ZNF730: variants seen among roughly 807,000 people sequenced by gnomAD.
ZNF730 encodes putative zinc finger protein 730.
A neutral mutation model predicts 12.6 loss-of-function variants in ZNF730; 12 were observed. The ratio of observed to expected loss-of-function variants is 0.95; its 90% CI spans 0.61 to 1.54. The LOEUF (loss-of-function observed/expected upper bound fraction) is 1.54. ZNF730 is among the 40% of genes most tolerant of loss of function. The probability of loss-of-function intolerance (pLI) is 0.00; values close to 1 mark genes in which losing one functional copy is unlikely to be tolerated. For synonymous variants in ZNF730, 194 were observed against 195.8 expected, an observed-to-expected ratio of 0.99 and a Z score of 0.08; for missense variants, 643 against 583.5, an observed-to-expected ratio of 1.10 and a Z score of -1.05.
chr19:23,075,733 T>C (rs1049942933), intron 1 of ZNF730, among the ~76,000 whole-genome samples: 19 of 152,064 alleles, frequency 1.2e-4, no homozygotes, highest in African/African-American at 4.6e-4. Flanking sequence ...TCCCAAGCTT[T>C]CCTGTTATTT....
At chr19:23,093,219 A>T (rs1022405752) in intron 1 of ZNF730, among the ~76,000 whole-genome samples, 1 of 151,596 alleles carries the variant, frequency 6.6e-6, no homozygotes, top group East Asian at 2.0e-4. Context: ...CAGGTGATCC[A>T]CTCGCCTTGG....
intron 1 of ZNF730, among the ~76,000 whole-genome samples, chr19:23,083,257 C>G (rs1969997164): frequency 6.6e-6 from 1 of 151,874 alleles, no homozygotes; most frequent in Non-Finnish European, 1.5e-5. Context: ...CAACCTGCCT[C>G]TACTGAAAAT....
In ZNF730 at chr19:23,134,099, A is replaced by T; in HGVS notation, c.23A>T (p.Asp8Val). The T allele has an allele frequency of 6.2e-7, 1 of 1,613,480 alleles. No individual in the cohort carries two copies. The highest frequency in any genetic ancestry group is 1.3e-5 in the African/African-American group (1 of 75,046). The change falls in exon 2 of 4, where the codon GAT becomes GTT. Residue 8 changes from aspartate to valine, a missense_variant. Asp to Val is a radical substitution (Grantham distance 152). Transcript: ENST00000597761. ...TTTCAGGGAGCGTTGACATTTAGAG[A>T]TGTGGCCATAGAATTCTCTCTGGAG... is the stretch of plus-strand genomic sequence containing the variant. MGALTFR[D>V]VAIEFSLEEW...
At chr19:23,134,712 G>A (rs1435490197) in intron 2 of ZNF730, among the ~76,000 whole-genome samples, 114 of 142,888 alleles carry the variant, frequency 8.0e-4, no homozygotes, top group African/African-American at 2.9e-3. Flanking sequence ...CCACGACCCC[G>A]TCTGGGAGGT....
intron 1 of ZNF730, among the ~76,000 whole-genome samples, chr19:23,104,198 A>C (rs2145548238): frequency 6.6e-6 from 1 of 150,862 alleles, no homozygotes; most frequent in East Asian, 2.0e-4. Context: ...GCTACTCGGG[A>C]GGCTGAGGCA....
intron 1 of ZNF730, among the ~76,000 whole-genome samples, chr19:23,107,851 T>A (rs1277164509): frequency 6.6e-6 from 1 of 152,206 alleles, no homozygotes; most frequent in Non-Finnish European, 1.5e-5. Flanking sequence ...TGGGTGAAAC[T>A]GTAGGTCTTT....
intron 1 of ZNF730, chr19:23,127,800 G>A: frequency 1.4e-6 from 1 of 729,966 alleles, no homozygotes; most frequent in Non-Finnish European, 2.5e-6. Flanking sequence ...CATCCTGGCT[G>A]CTCCACAGGA....
intron 1 of ZNF730, among the ~76,000 whole-genome samples, chr19:23,080,330 T>C (rs527345518): frequency 6.6e-6 from 1 of 152,150 alleles, no homozygotes; most frequent in Non-Finnish European, 1.5e-5. Flanking sequence ...GCCTTGACTA[T>C]GGGATATTTT....
In ZNF730 at chr19:23,146,301, T is replaced by G. The variant is rs1180527503; in HGVS notation, c.1257T>G (p.Thr419=). ...SHLTTHKRIH[T]GEKPYKCEEC... is the part of the protein sequence containing the mutation. ...TTACTACACATAAGAGAATTCATAC[T>G]GGAGAGAAACCCTACAAATGTGAAG... The change falls in exon 4 of 4, where the codon ACT becomes ACG. Residue 419 remains threonine (T), a synonymous_variant. Transcript: ENST00000597761. The G allele has an allele frequency of 6.8e-6, 11 of 1,613,660 alleles. No individual in the cohort carries two copies. Among genetic ancestry groups the G allele is most frequent in the Non-Finnish European group, 9.3e-6 (11 of 1,179,724 alleles).
At chr19:23,101,236 C>T (rs375728563) in intron 1 of ZNF730, among the ~76,000 whole-genome samples, 5 of 16,640 alleles carry the variant, frequency 3.0e-4, no homozygotes, top group African/African-American at 8.3e-4. Context: ...TATTGAGGTT[C>T]TGAATGTCAG....
chr19:23,113,393 G>C (rs902292626), upstream of ZNF730, among the ~76,000 whole-genome samples: 1 of 152,146 alleles, frequency 6.6e-6, no homozygotes, highest in Admixed American at 6.5e-5. Flanking sequence ...ATATAAAATT[G>C]TCTCTCACTA....
At chr19:23,145,245 T>C (rs2145708732) in intron 3 of ZNF730, 26 bp from the exon 4 acceptor site, 1 of 1,435,276 alleles carries the variant, frequency 7.0e-7, no homozygotes, top group East Asian at 2.4e-5. Flanking sequence ...GTACATGCAG[T>C]AATTTGTTAT....
intron 1 of ZNF730, among the ~76,000 whole-genome samples, chr19:23,108,714 TC>T (rs1970424437): frequency 6.6e-6 from 1 of 150,958 alleles, no homozygotes; most frequent in South Asian, 2.1e-4. Flanking sequence ...CTTTTCCAAA[TC>T]AAATTTTAGC....
chr19:23,117,222 TG>T (rs779640773), intron 1 of ZNF730, 46 bp downstream of exon 1: 1 of 1,613,388 alleles, frequency 6.2e-7, no homozygotes, highest in South Asian at 1.1e-5. Flanking sequence ...CGGGGCTGGT[TG>T]GAACCGGTGG....
At chr19:23,122,697 G>C (rs1970614802) in intron 1 of ZNF730, among the ~76,000 whole-genome samples, 1 of 152,188 alleles carries the variant, frequency 6.6e-6, no homozygotes, top group South Asian at 2.1e-4. Context: ...AATTAGTATA[G>C]TTAGGTGTAG....
chr19:23,113,801 A>G (rs1970482499), upstream of ZNF730, among the ~76,000 whole-genome samples: 1 of 152,188 alleles, frequency 6.6e-6, no homozygotes, highest in Non-Finnish European at 1.5e-5. Context: ...GGAATCTGAG[A>G]CTAAGTACAT....
Position 23,134,109 on chromosome 19 carries a change from A to G in ZNF730, c.33A>G (p.Ile11Met), listed in dbSNP as rs1970785283. 6.2e-7 allele frequency: 1 copy of G among 1,613,646 alleles called. No homozygotes were observed. Among genetic ancestry groups the G allele is most frequent in the Non-Finnish European group, 8.5e-7 (1 of 1,179,780 alleles). Residue 11 changes from isoleucine to methionine, a missense_variant, in exon 2 of 4, where the codon ATA becomes ATG. By Grantham distance (10) the Ile-to-Met change is conservative. Transcript: ENST00000597761. MGALTFRDVA[I>M]EFSLEEWQCL... ...CGTTGACATTTAGAGATGTGGCCAT[A>G]GAATTCTCTCTGGAGGAGTGGCAAT...
chr19:23,094,355 G>GTT (rs1970211378), intron 1 of ZNF730, among the ~76,000 whole-genome samples: 1 of 130,404 alleles, frequency 7.7e-6, no homozygotes, highest in Non-Finnish European at 1.6e-5. Context: ...ACCATGCCTG[G>GTT]CTCTATCTAT....
Position 23,145,587 on chromosome 19 carries a change from A to G in ZNF730, c.543A>G (p.Leu181=), listed in dbSNP as rs368931602. ...TCAAATGTAAAGAATGTGGAAAATTATTTTGCATTCTTTCACACTTAGCTC... is the reference window on the plus strand; with the variant it reads ...TCAAATGTAAAGAATGTGGAAAATTGTTTTGCATTCTTTCACACTTAGCTC... ...KPFKCKECGK[L]FCILSHLAQH... Residue 181 remains leucine (L), a synonymous_variant, in exon 4 of 4, where the codon TTA becomes TTG. Transcript: ENST00000597761. 1.1e-5 allele frequency: 17 copies of G among 1,543,636 alleles called. No homozygotes were observed. In the African/African-American group the frequency reaches 1.4e-4, roughly 13 times the overall value.
Sources: gnomAD v4.1 joint callset for allele counts (sites outside exome capture counted in the v4.1 genomes callset) on GRCh38, gnomAD v4.1.1 for gene constraint, MANE v1.5 for transcripts, NCBI Gene and HGNC (gene_info 2026-07-23, HGNC 2026-07-21) for gene names.